Variants in AKAP13 observed in about 807,000 individuals in gnomAD.
AKAP13 encodes the protein A-kinase anchoring protein 13.
A neutral mutation model predicts 264.5 loss-of-function variants in AKAP13; 80 were observed. The ratio of observed to expected loss-of-function variants is 0.30; its 90% CI spans 0.25 to 0.36. AKAP13 has a LOEUF of 0.36. Ranked by LOEUF, AKAP13 falls within the 10% of genes least tolerant of loss-of-function variation. The pLI is 1.00. For synonymous variants in AKAP13, 1,380 were observed against 1,250.2 expected (o/e 1.10, Z -2.19); for missense variants, 3,712 against 3,435.2 (o/e 1.08, Z -2.01).
intron 14 of AKAP13, among the ~76,000 whole-genome samples, chr15:85,674,165 G>C (rs1475357139): frequency 2.0e-5 from 3 of 152,080 alleles, no homozygotes; most frequent in African/African-American, 7.2e-5. Flanking sequence ...TTCTTAATGA[G>C]ATTTCATTTT....
chr15:85,664,817 CAAGG>C, intron 13 of AKAP13, 62 bp downstream of exon 13: 2 of 1,497,604 alleles, frequency 1.3e-6, no homozygotes, highest in Non-Finnish European at 1.8e-6. Context: ...ACATAGAAGG[CAAGG>C]CTTCTGGTAG....
chr15:85,624,843 G>A (rs984534832), intron 8 of AKAP13, among the ~76,000 whole-genome samples: 2 of 152,248 alleles, frequency 1.3e-5, no homozygotes, highest in Admixed American at 1.3e-4. Context: ...CATTGTGGGT[G>A]TGGTTTAGGG....
At chr15:85,735,766 C>A in intron 32 of AKAP13, 136 bp downstream of exon 32, 3 of 969,240 alleles carry the variant, frequency 3.1e-6, no homozygotes, top group Non-Finnish European at 4.6e-6. Flanking sequence ...CAGGGAAAAT[C>A]ACATTTTTAA....
chr15:85,384,483 G>A (rs2070451733), intron 1 of AKAP13, among the ~76,000 whole-genome samples: 2 of 152,286 alleles, frequency 1.3e-5, no homozygotes, highest in South Asian at 4.1e-4. Context: ...TTGGGAGGCT[G>A]AGGCGGGCGG....
chr15:85,636,361 T>A (rs2082070994), intron 8 of AKAP13, among the ~76,000 whole-genome samples: 1 of 152,222 alleles, frequency 6.6e-6, no homozygotes, highest in South Asian at 2.1e-4. Flanking sequence ...TACTTCTTCC[T>A]TTCCAATGGT....
intron 1 of AKAP13, among the ~76,000 whole-genome samples, chr15:85,457,807 G>T (rs79663443): frequency 2.0e-5 from 3 of 152,104 alleles, no homozygotes; most frequent in African/African-American, 7.2e-5. Context: ...TGTTTGCTCC[G>T]TAGAAGTAGG....
rs1202064107 is a variant in AKAP13, at chr15:85,631,498, T to TCACA, written c.4162-7875_4162-7874insACAC. The stretch of plus-strand genomic sequence containing the variant: ...CACACACACTTTCTCTCTCTCTCTC[T>TCACA]CTCTCACACACACACACACACACAC... On this transcript the variant is annotated intron_variant, in intron 8 of 36. Coordinates refer to ENST00000394518, the MANE Select transcript of AKAP13 (RefSeq NM_007200.5). Among the ~76,000 whole-genome samples, 256 of 66,506 alleles carry TCACA rather than the reference T, an allele frequency of 3.8e-3. 1 individual carries two copies. Among genetic ancestry groups the TCACA allele is most frequent in the African/African-American group, 0.012 (241 of 20,626 alleles). 43.6% of individuals were successfully genotyped at this position (66,506 alleles called of 152,430 possible).
chr15:85,673,673 T>C (rs1348064753), intron 14 of AKAP13, among the ~76,000 whole-genome samples: 274 of 117,248 alleles, frequency 2.3e-3, no homozygotes, highest in African/African-American at 6.7e-3. Context: ...TTTCTTTTTT[T>C]TTTTTTTTTT....
intron 1 of AKAP13, among the ~76,000 whole-genome samples, chr15:85,419,002 G>C (rs1003005443): frequency 5.3e-5 from 8 of 152,150 alleles, no homozygotes; most frequent in Admixed American, 5.2e-4. Flanking sequence ...AATGGATTCT[G>C]TGCTCAAGGA....
chr15:85,501,987 G>A (rs1567090797), intron 2 of AKAP13, among the ~76,000 whole-genome samples: 1 of 152,216 alleles, frequency 6.6e-6, no homozygotes, highest in African/African-American at 2.4e-5. Flanking sequence ...CTGGTACGGC[G>A]GAGCATGGTG....
intron 5 of AKAP13, among the ~76,000 whole-genome samples, chr15:85,560,117 C>G (rs1236590956): frequency 8.4e-6 from 1 of 118,792 alleles, no homozygotes; most frequent in East Asian, 2.4e-4. Context: ...GTGATACCTG[C>G]TGTCTCCACC....
chr15:85,449,911 A>G (rs1343776017), intron 1 of AKAP13, among the ~76,000 whole-genome samples: 2 of 152,214 alleles, frequency 1.3e-5, no homozygotes, highest in African/African-American at 4.8e-5. Flanking sequence ...AGGTTTTGGT[A>G]TCAAGATGAT....
rs2076824432 is a variant in AKAP13, at chr15:85,521,592, G to A, written c.181+17G>A. 6.2e-7 allele frequency: 1 copy of A among 1,612,000 alleles called. No individual in the cohort carries two copies. The highest frequency in any genetic ancestry group is 8.5e-7 in the Non-Finnish European group (1 of 1,178,812). ...TTGCTCCTGGTAAGTATTTGAATGG[G>A]ATCCTTACTAGCTTTTCCTAGTTCT... On this transcript the variant is annotated intron_variant, in intron 3 of 36. Coordinates refer to ENST00000394518, the MANE Select transcript of AKAP13 (RefSeq NM_007200.5).
chr15:85,738,227 G>A (rs147887541), intron 33 of AKAP13, among the ~76,000 whole-genome samples: 2 of 151,836 alleles, frequency 1.3e-5, no homozygotes, highest in African/African-American at 4.8e-5. Context: ...GTGAAACCCT[G>A]TCTCTACTAA....
chr15:85,655,860 G>T (rs1395955793), intron 11 of AKAP13, 73 bp downstream of exon 11: 2 of 1,509,950 alleles, frequency 1.3e-6, no homozygotes, highest in African/African-American at 2.8e-5. Context: ...TTGTATTATT[G>T]TTGGTAAAAG....
chr15:85,502,344 A>G (rs2076058882), intron 2 of AKAP13, among the ~76,000 whole-genome samples: 1 of 152,206 alleles, frequency 6.6e-6, no homozygotes, highest in Non-Finnish European at 1.5e-5. Context: ...AATATTTGGC[A>G]ATTATTGAAT....
chr15:85,554,606 A>G lies in AKAP13; in HGVS notation c.662+10651A>G, dbSNP rs1377124315. 2.6e-5 allele frequency among the ~76,000 whole-genome samples: 4 copies of G among 151,826 alleles called. No homozygotes were observed. In the South Asian group the frequency reaches 6.2e-4, roughly 24 times the overall value. On this transcript the variant is annotated intron_variant, in intron 5 of 36. Transcript: ENST00000394518. Reference sequence around the variant, plus strand: ...TTTTTTTTCTTTTTTTTTTAAGTCTAATACTCAGAAGTTGCCTTCTTTTTT... The same window carrying G: ...TTTTTTTTCTTTTTTTTTTAAGTCTGATACTCAGAAGTTGCCTTCTTTTTT...
intron 8 of AKAP13, among the ~76,000 whole-genome samples, chr15:85,606,656 T>A (rs1004316861): frequency 6.6e-6 from 1 of 152,172 alleles, no homozygotes; most frequent in Non-Finnish European, 1.5e-5. Context: ...GGAGGCATCA[T>A]GGGGGTGACT....
intron 4 of AKAP13, among the ~76,000 whole-genome samples, chr15:85,542,613 A>G (rs2077611105): frequency 6.6e-6 from 1 of 152,202 alleles, no homozygotes; most frequent in Non-Finnish European, 1.5e-5. Flanking sequence ...GGCAGGCACA[A>G]CTTCAGGGTG....
Sources: allele counts gnomAD v4.1 joint callset (sites outside exome capture counted in the v4.1 genomes callset), GRCh38; gene constraint gnomAD v4.1.1; transcripts MANE v1.5; gene names NCBI Gene and HGNC (gene_info 2026-07-23, HGNC 2026-07-21).